The following PTPRM variants were observed in gnomAD, a reference collection of about 807,000 sequenced individuals.
The protein encoded by PTPRM is receptor-type tyrosine-protein phosphatase mu.
In PTPRM, 47 loss-of-function variants were observed where a neutral mutation model predicts 186.7. The observed-to-expected ratio is 0.25, with a 90% CI of 0.20 to 0.32. PTPRM has a LOEUF of 0.32. PTPRM is among the 10% of genes least tolerant of loss of function. The pLI is 1.00. For synonymous variants in PTPRM, 668 were observed against 674.9 expected, an observed-to-expected ratio of 0.99 and a Z score of 0.16; for missense variants, 1,494 against 1,865.0, an observed-to-expected ratio of 0.80 and a Z score of 3.66.
chr18:8,087,667 A>G (rs1343365621), intron 10 of PTPRM, among the ~76,000 whole-genome samples: 1 of 152,050 alleles, frequency 6.6e-6, no homozygotes, highest in Non-Finnish European at 1.5e-5. Flanking sequence ...TGTTAATTCT[A>G]TGTTATGAAT....
intron 2 of PTPRM, among the ~76,000 whole-genome samples, chr18:7,804,197 G>A (rs2044119129): frequency 6.6e-6 from 1 of 152,142 alleles, no homozygotes; most frequent in African/African-American, 2.4e-5. Flanking sequence ...GAGCTAAGAT[G>A]TCAGCAACAG....
At chr18:7,957,798 G>A (rs1402154732) in intron 7 of PTPRM, among the ~76,000 whole-genome samples, 6 of 152,196 alleles carry the variant, frequency 3.9e-5, no homozygotes, top group Admixed American at 2.0e-4. Flanking sequence ...GGAAGCAGGA[G>A]CAAGTTAAAG....
At chr18:8,084,219 T>C (rs1202394008) in intron 9 of PTPRM, among the ~76,000 whole-genome samples, 3 of 152,034 alleles carry the variant, frequency 2.0e-5, no homozygotes, top group African/African-American at 7.2e-5. Flanking sequence ...TTCAAATGTG[T>C]GGGTGAATTA....
At position 7,726,093 on chromosome 18, in the gene PTPRM, C is replaced by G. The variant is rs111486826; in HGVS notation, c.74-48056C>G. Among the ~76,000 whole-genome samples, 796 of 152,280 alleles carry G rather than the reference C, an allele frequency of 5.2e-3. 9 individuals are homozygous for G. The highest frequency in any genetic ancestry group is 6.7e-3 in the Non-Finnish European group (457 of 68,006). On this transcript the variant is annotated intron_variant, in intron 1 of 32. Transcript: ENST00000580170. ...CCTGCACCTGTTCACATGCACTCCC[C>G]CTCCTGTGAGGTTTGGAGCAGTCAG...
In PTPRM at chr18:8,371,023, C is replaced by A; in HGVS notation, c.3171+17C>A. 1 of 1,457,826 alleles carries A rather than the reference C, an allele frequency of 6.9e-7. No homozygotes were observed. Among genetic ancestry groups the A allele is most frequent in the Non-Finnish European group, 9.6e-7 (1 of 1,044,236 alleles). The allele number at this position is 1,457,826 out of a possible 1,614,324, so 90.3% of individuals were successfully genotyped here. ...GTTGAAAAGGTAAGTTTTCATACTG[C>A]TTTTAAAAGCTATGGTCAGACACTA... is the stretch of plus-strand genomic sequence containing the variant. On this transcript the variant is annotated intron_variant, in intron 24 of 32. Coordinates refer to ENST00000580170, the MANE Select transcript of PTPRM (RefSeq NM_001105244.2).
intron 1 of PTPRM, among the ~76,000 whole-genome samples, chr18:7,745,991 T>C (rs1479258794): frequency 2.0e-5 from 3 of 151,992 alleles, no homozygotes; most frequent in African/African-American, 7.3e-5. Flanking sequence ...AACAAACCTA[T>C]GAGACAAATG....
chr18:7,771,269 T>C (rs1363992563), intron 1 of PTPRM, among the ~76,000 whole-genome samples: 2 of 152,226 alleles, frequency 1.3e-5, no homozygotes, highest in African/African-American at 4.8e-5. Context: ...GGACCTTCTC[T>C]GTCAAAATTG....
In PTPRM at chr18:8,240,154, A is replaced by G. The variant is rs1329783085; in HGVS notation, c.2301-3904A>G. Among the ~76,000 whole-genome samples the G allele has an allele frequency of 3.9e-5, 6 of 152,262 alleles. No homozygotes were observed. The South Asian group carries it at 1.0e-3, about 26-fold the overall frequency. On this transcript the variant is annotated intron_variant, in intron 14 of 32. Coordinates refer to ENST00000580170, the MANE Select transcript of PTPRM (RefSeq NM_001105244.2). ...AAGAGGGAGAAAGAAAAAGAGAGAA[A>G]CAAACTATTACTTATCGACAATCCT...
chr18:8,071,090 A>G (rs757909982), intron 8 of PTPRM, among the ~76,000 whole-genome samples: 36 of 152,124 alleles, frequency 2.4e-4, no homozygotes, highest in Non-Finnish European at 4.9e-4. Context: ...ATTGTCCCTC[A>G]AGTCCTGCTT....
At chr18:8,364,396 G>GA (rs1381270873) in intron 23 of PTPRM, among the ~76,000 whole-genome samples, 4 of 151,836 alleles carry the variant, frequency 2.6e-5, no homozygotes, top group Admixed American at 6.6e-5. Flanking sequence ...AAGGTAGATG[G>GA]AAAAAAAATC....
intron 2 of PTPRM, among the ~76,000 whole-genome samples, chr18:7,796,024 G>T (rs1453114473): frequency 6.6e-6 from 1 of 151,568 alleles, no homozygotes; most frequent in Non-Finnish European, 1.5e-5. Context: ...TGCCCAGGTT[G>T]GTCTCGAACT....
At chr18:8,392,432 G>A (rs913325814) in intron 31 of PTPRM, among the ~76,000 whole-genome samples, 1 of 152,076 alleles carries the variant, frequency 6.6e-6, no homozygotes, top group Non-Finnish European at 1.5e-5. Flanking sequence ...AGACTATCCT[G>A]GCTAACACGG....
At chr18:7,574,047 T>C (rs983291762) in intron 1 of PTPRM, among the ~76,000 whole-genome samples, 3 of 152,224 alleles carry the variant, frequency 2.0e-5, no homozygotes, top group Non-Finnish European at 2.9e-5. Context: ...GATTCTGATG[T>C]GACCTGAGAT....
intron 17 of PTPRM, 36 bp downstream of exon 17, chr18:8,248,212 G>T: frequency 2.0e-6 from 3 of 1,515,354 alleles, no homozygotes; most frequent in Non-Finnish European, 2.8e-6. Flanking sequence ...TTTATTGCAG[G>T]AGTAATTTAG....
At chr18:8,324,169 A>G (rs1307291728) in intron 22 of PTPRM, among the ~76,000 whole-genome samples, 5 of 152,220 alleles carry the variant, frequency 3.3e-5, no homozygotes, top group African/African-American at 4.8e-5. Context: ...ATTGTTTATA[A>G]CTATGTGAAA....
At chr18:7,946,567 G>C (rs1599668106) in intron 5 of PTPRM, among the ~76,000 whole-genome samples, 1 of 152,128 alleles carries the variant, frequency 6.6e-6, no homozygotes, top group Admixed American at 6.5e-5. Context: ...GAGAATCAGA[G>C]ACTGAATATC....
intron 14 of PTPRM, among the ~76,000 whole-genome samples, chr18:8,240,497 GAGAGGAAGGA>G (rs1337856622): frequency 2.4e-3 from 172 of 71,514 alleles, no homozygotes; most frequent in African/African-American, 3.4e-3. Context: ...GAGAGAGAGA[GAGAGGAAGGA>G]AGGAAGGAAG....
At chr18:8,213,058 T>C (rs2146980590) in intron 14 of PTPRM, among the ~76,000 whole-genome samples, 1 of 152,284 alleles carries the variant, frequency 6.6e-6, no homozygotes, top group East Asian at 1.9e-4. Flanking sequence ...TGCAGCACTG[T>C]CGAGAATGAT....
chr18:7,631,574 G>A (rs987474958), intron 1 of PTPRM, among the ~76,000 whole-genome samples: 7 of 151,814 alleles, frequency 4.6e-5, no homozygotes, highest in East Asian at 1.9e-4. Flanking sequence ...TGTCCAGCCC[G>A]CGGCCCAGGA....
Sources: allele counts gnomAD v4.1 joint callset (sites outside exome capture counted in the v4.1 genomes callset), GRCh38; gene constraint gnomAD v4.1.1; transcripts MANE v1.5; gene names NCBI Gene and HGNC (gene_info 2026-07-23, HGNC 2026-07-21).